SGCD: variants seen among roughly 807,000 people sequenced by gnomAD.
SGCD encodes sarcoglycan delta.
Under a neutral mutation model 36.6 loss-of-function variants are expected in SGCD, and 18 were observed. The ratio of observed to expected loss-of-function variants is 0.49; its 90% CI spans 0.34 to 0.73. The LOEUF (loss-of-function observed/expected upper bound fraction) is 0.73, where lower values mean the gene tolerates loss of function less well. Ranked by LOEUF, SGCD falls within the 30% of genes least tolerant of loss-of-function variation. The pLI is 0.01. For synonymous variants in SGCD, 133 were observed against 130.6 expected (o/e 1.02, Z -0.12); for missense variants, 387 against 346.7 (o/e 1.12, Z -0.92).
chr5:156,464,904 A>G (rs560394910), intron 3 of SGCD, among the ~76,000 whole-genome samples: 52 of 152,256 alleles, frequency 3.4e-4, no homozygotes, highest in African/African-American at 1.2e-3. Context: ...CAAAACTCCA[A>G]CCATTCTATG....
chr5:156,675,870 T>C (rs1463021759), intron 7 of SGCD, among the ~76,000 whole-genome samples: 1 of 152,150 alleles, frequency 6.6e-6, no homozygotes, highest in Non-Finnish European at 1.5e-5. Flanking sequence ...ACTTCCTGAC[T>C]CCTTCAGCCA....
In SGCD at chr5:156,748,202, C is replaced by T. The variant is rs112006327; in HGVS notation, c.576-9379C>T. ...TGTGGTGCTAGAAATCAGAAGAATG[C>T]GTGCCTCTGGAGGGTGGTGGGTGTG... On this transcript the variant is annotated intron_variant, in intron 7 of 8. Transcript: ENST00000337851. Among the ~76,000 whole-genome samples the T allele has an allele frequency of 5.2e-3, 798 of 152,212 alleles. 5 individuals are homozygous for T. Among genetic ancestry groups the T allele is most frequent in the African/African-American group, 0.018 (736 of 41,528 alleles).
intron 1 of SGCD, among the ~76,000 whole-genome samples, chr5:156,016,654 G>A (rs4704921): frequency 6.6e-6 from 1 of 152,012 alleles, no homozygotes; most frequent in Non-Finnish European, 1.5e-5. Context: ...CATGTTGTAT[G>A]TACTGTCTTG....
intron 3 of SGCD, among the ~76,000 whole-genome samples, chr5:156,243,608 A>G (rs576693087): frequency 2.6e-5 from 4 of 152,350 alleles, no homozygotes; most frequent in Non-Finnish European, 5.9e-5. Context: ...TAGCACGGAA[A>G]CAGTGACATC....
At chr5:156,295,196 T>A (rs1159890060) in intron 3 of SGCD, among the ~76,000 whole-genome samples, 1 of 152,192 alleles carries the variant, frequency 6.6e-6, no homozygotes, top group East Asian at 1.9e-4. Flanking sequence ...CCTGGCTTAA[T>A]CTTGGTAGGT....
At chr5:155,736,997 C>T in the SGCD span, among the ~76,000 whole-genome samples, 1 of 152,212 alleles carries the variant, frequency 6.6e-6, no homozygotes, top group East Asian at 1.9e-4. Context: ...CAAACATTCA[C>T]GTCTCTAAGT....
intron 1 of SGCD, among the ~76,000 whole-genome samples, chr5:156,001,967 G>C (rs894226182): frequency 5.9e-5 from 9 of 152,178 alleles, no homozygotes; most frequent in Non-Finnish European, 1.3e-4. Context: ...CACATTGAGA[G>C]CCAGGGTCAA....
chr5:155,772,534 C>G, the SGCD span, among the ~76,000 whole-genome samples: 2 of 152,176 alleles, frequency 1.3e-5, no homozygotes, highest in Admixed American at 6.5e-5. Flanking sequence ...CTTTTGACCA[C>G]GTAGTGTTTT....
intron 3 of SGCD, among the ~76,000 whole-genome samples, chr5:156,274,942 T>G (rs552906758): frequency 6.6e-6 from 1 of 152,270 alleles, no homozygotes; most frequent in Non-Finnish European, 1.5e-5. Context: ...AGGACTGTAT[T>G]GAAGGATAGC....
intron 1 of SGCD, among the ~76,000 whole-genome samples, chr5:155,892,195 C>T (rs1241532504): frequency 5.9e-5 from 9 of 152,026 alleles, no homozygotes; most frequent in Admixed American, 3.9e-4. Flanking sequence ...CAGTGGCTCA[C>T]GCCTGTAGTC....
chr5:156,487,312 G>A (rs561654936), intron 3 of SGCD, among the ~76,000 whole-genome samples: 2 of 152,228 alleles, frequency 1.3e-5, no homozygotes, highest in East Asian at 1.9e-4. Flanking sequence ...CAAAGCCAAA[G>A]CATCCTACTC....
chr5:156,097,238 T>C (rs1761401922), intron 1 of SGCD, among the ~76,000 whole-genome samples: 1 of 152,186 alleles, frequency 6.6e-6, no homozygotes, highest in African/African-American at 2.4e-5. Context: ...CTGTAGTTTG[T>C]ATCTTTCACC....
At chr5:156,056,769 G>T (rs1286795924) in intron 1 of SGCD, among the ~76,000 whole-genome samples, 1 of 144,590 alleles carries the variant, frequency 6.9e-6, no homozygotes, top group Non-Finnish European at 1.5e-5. Context: ...CAATTCTCCT[G>T]TCTTGATAAA....
chr5:156,045,828 C>A (rs753717471), intron 1 of SGCD, among the ~76,000 whole-genome samples: 1 of 152,120 alleles, frequency 6.6e-6, no homozygotes. Context: ...ACTTGAATTA[C>A]TTCCTTAGAG....
intron 3 of SGCD, among the ~76,000 whole-genome samples, chr5:156,421,209 C>A (rs1304805163): frequency 6.6e-6 from 1 of 152,180 alleles, no homozygotes; most frequent in African/African-American, 2.4e-5. Context: ...AGCCTAATTT[C>A]TTTCATGTCC....
intron 3 of SGCD, among the ~76,000 whole-genome samples, chr5:156,150,728 T>C (rs1762813560): frequency 6.6e-6 from 1 of 151,692 alleles, no homozygotes; most frequent in African/African-American, 2.4e-5. Context: ...TCCATTCTTG[T>C]GAAAGAGGAG....
intron 3 of SGCD, among the ~76,000 whole-genome samples, chr5:156,382,073 G>T (rs1771013148): frequency 6.6e-6 from 1 of 152,026 alleles, no homozygotes; most frequent in Admixed American, 6.6e-5. Context: ...TTTTATGGCT[G>T]CTCAACCAAA....
chr5:156,214,771 T>C (rs1013314549), intron 3 of SGCD, among the ~76,000 whole-genome samples: 1 of 152,032 alleles, frequency 6.6e-6, no homozygotes, highest in Non-Finnish European at 1.5e-5. Context: ...TGGAATGGAA[T>C]AGAGACTCCA....
intron 3 of SGCD, among the ~76,000 whole-genome samples, chr5:156,314,250 C>G (rs1045130103): frequency 5.3e-5 from 8 of 151,956 alleles, no homozygotes; most frequent in African/African-American, 1.9e-4. Context: ...ATCAGTATAG[C>G]TGTTTAAACA....
Sources: gnomAD v4.1 joint callset for allele counts (sites outside exome capture counted in the v4.1 genomes callset) on GRCh38, gnomAD v4.1.1 for gene constraint, MANE v1.5 for transcripts, NCBI Gene and HGNC (gene_info 2026-07-23, HGNC 2026-07-21) for gene names.